The following PTPRN2 variants were observed in gnomAD, a reference collection of about 807,000 sequenced individuals.
The protein encoded by PTPRN2 is protein tyrosine phosphatase receptor type N2.
In PTPRN2, 74 loss-of-function variants were observed where a neutral mutation model predicts 118.8. That is an observed-to-expected ratio of 0.62 (90% CI 0.52 to 0.76). The LOEUF is 0.76. Among genes scored for constraint, PTPRN2 ranks in the 30% least tolerant of loss-of-function variants. PTPRN2 has a pLI of 0.00. For missense variants in PTPRN2, 1,481 were observed against 1,394.4 expected, an observed-to-expected ratio of 1.06 and a Z score of -0.99; for synonymous variants, 641 against 608.0, an observed-to-expected ratio of 1.05 and a Z score of -0.80.
intron 2 of PTPRN2, among the ~76,000 whole-genome samples, chr7:158,331,726 A>C (rs1319706990): frequency 2.0e-5 from 3 of 150,718 alleles, no homozygotes; most frequent in African/African-American, 7.5e-5. Context: ...TTCTCACCAT[A>C]AGAGCTGACA....
At chr7:158,100,823 A>AT (rs1270508536) in intron 10 of PTPRN2, among the ~76,000 whole-genome samples, 2 of 152,130 alleles carry the variant, frequency 1.3e-5, no homozygotes, top group Non-Finnish European at 2.9e-5. Context: ...GATCATGAAG[A>AT]TTTTTTCTCA....
At chr7:158,219,709 C>T (rs59308052) in intron 3 of PTPRN2, among the ~76,000 whole-genome samples, 6,092 of 151,918 alleles carry the variant, frequency 0.04, 142 homozygotes, top group Middle Eastern at 0.078. Context: ...GAAATGACAA[C>T]GGTGATATTA....
At chr7:158,109,022 T>C (rs971881874) in intron 10 of PTPRN2, among the ~76,000 whole-genome samples, 1 of 150,694 alleles carries the variant, frequency 6.6e-6, no homozygotes, top group Non-Finnish European at 1.5e-5. Flanking sequence ...CACCACTGTG[T>C]GAAGGAGACA....
chr7:158,545,697 T>C (rs905014590), intron 1 of PTPRN2, among the ~76,000 whole-genome samples: 143 of 152,282 alleles, frequency 9.4e-4, no homozygotes, highest in African/African-American at 3.4e-3. Context: ...TGTCCCTGTT[T>C]CCTTCAAAAT....
At chr7:158,057,979 C>G (rs895924620) in intron 11 of PTPRN2, among the ~76,000 whole-genome samples, 1 of 152,254 alleles carries the variant, frequency 6.6e-6, no homozygotes, top group African/African-American at 2.4e-5. Flanking sequence ...AACCCATATA[C>G]AGAATGCTTC....
chr7:158,374,652 A>G (rs1417542146), intron 2 of PTPRN2, among the ~76,000 whole-genome samples: 1 of 152,216 alleles, frequency 6.6e-6, no homozygotes, highest in Non-Finnish European at 1.5e-5. Context: ...AACAGAGACA[A>G]ACCGTCCACA....
intron 1 of PTPRN2, among the ~76,000 whole-genome samples, chr7:158,573,593 C>T (rs777112536): frequency 1.9e-4 from 29 of 152,128 alleles, no homozygotes; most frequent in Non-Finnish European, 1.6e-4. Flanking sequence ...AGGTCAACAG[C>T]AAGTCACTCC....
chr7:157,567,058 T>C (rs1043811142), intron 21 of PTPRN2, among the ~76,000 whole-genome samples: 1 of 152,142 alleles, frequency 6.6e-6, no homozygotes, highest in African/African-American at 2.4e-5. Flanking sequence ...AAAATCTTTG[T>C]CTGAGAGAGG....
intron 12 of PTPRN2, among the ~76,000 whole-genome samples, chr7:157,685,792 G>T: frequency 6.6e-6 from 1 of 152,194 alleles, no homozygotes; most frequent in East Asian, 1.9e-4. Context: ...TCTCCTCCCG[G>T]GTCCCCGCTG....
chr7:158,098,441 G>A (rs1392696287), intron 10 of PTPRN2, among the ~76,000 whole-genome samples: 1 of 152,210 alleles, frequency 6.6e-6, no homozygotes, highest in Non-Finnish European at 1.5e-5. Flanking sequence ...CGAGGGTGAC[G>A]CTTACCCAGG....
At chr7:158,320,419 C>T (rs1802903509) in intron 2 of PTPRN2, among the ~76,000 whole-genome samples, 1 of 150,844 alleles carries the variant, frequency 6.6e-6, no homozygotes, top group Admixed American at 6.6e-5. Flanking sequence ...ACCCCCATCG[C>T]CCATGTCCTC....
At chr7:157,994,365 C>T (rs1219502503) in intron 11 of PTPRN2, among the ~76,000 whole-genome samples, 2 of 152,320 alleles carry the variant, frequency 1.3e-5, no homozygotes, top group East Asian at 3.9e-4. Flanking sequence ...ACAAACAACA[C>T]ATCTTAGGGA....
intron 2 of PTPRN2, among the ~76,000 whole-genome samples, chr7:158,469,580 G>A (rs1819689594): frequency 6.6e-6 from 1 of 152,142 alleles, no homozygotes; most frequent in African/African-American, 2.4e-5. Flanking sequence ...CTTCCCCTGT[G>A]GTCAGCAGCT....
chr7:158,377,468 TAAGAA>T (rs1238491955), intron 2 of PTPRN2, among the ~76,000 whole-genome samples: 1 of 152,094 alleles, frequency 6.6e-6, no homozygotes, highest in East Asian at 1.9e-4. Flanking sequence ...TCATCACGCA[TAAGAA>T]AAGGGGACCC....
In PTPRN2 at chr7:157,622,027, G is replaced by T. The variant is rs78925109; in HGVS notation, c.2197-518C>A. ...AAATATTTTAACCCTTGGCTGTTTC[G>T]ATCTTAATTTTTCTGGTGCTTGTCG... is the stretch of plus-strand genomic sequence containing the variant. On this transcript the variant is annotated intron_variant, in intron 14 of 22. Transcript: ENST00000389418. The surrounding 1 kb of genome is among the most constrained non-coding windows in gnomAD (Gnocchi z 5.3). Among the ~76,000 whole-genome samples, 1 of 151,898 alleles carries T rather than the reference G, an allele frequency of 6.6e-6. No homozygotes were observed. Among genetic ancestry groups the T allele is most frequent in the Non-Finnish European group, 1.5e-5 (1 of 67,992 alleles).
chr7:157,910,454 C>T (rs1313846162), intron 11 of PTPRN2, among the ~76,000 whole-genome samples: 1 of 147,876 alleles, frequency 6.8e-6, no homozygotes, highest in African/African-American at 2.5e-5. Context: ...GGCACGTACG[C>T]CGGATCACGC....
chr7:158,407,988 A>C (rs527511851), intron 2 of PTPRN2, among the ~76,000 whole-genome samples: 1 of 152,330 alleles, frequency 6.6e-6, no homozygotes, highest in African/African-American at 2.4e-5. Flanking sequence ...CCAATGACTC[A>C]AGTCTATGGA....
At chr7:157,757,054 G>A (rs981387313) in intron 12 of PTPRN2, among the ~76,000 whole-genome samples, 1 of 152,178 alleles carries the variant, frequency 6.6e-6, no homozygotes, top group East Asian at 1.9e-4. Context: ...AAAAGCAAAC[G>A]GGCAGTGGAT....
Position 157,974,633 on chromosome 7 carries a change from G to C in PTPRN2, c.1724-75896C>G, listed in dbSNP as rs1802598631. Among the ~76,000 whole-genome samples the C allele has an allele frequency of 6.6e-6, 1 of 151,836 alleles. No homozygotes were observed. The highest frequency in any genetic ancestry group is 2.1e-4 in the South Asian group (1 of 4,798). ...CAGCGGGTGATGGCAGTGGGAGCCTGGGCAGGGGCGGGCAGGGCTCTGTGG... is the reference window on the plus strand; with the variant it reads ...CAGCGGGTGATGGCAGTGGGAGCCTCGGCAGGGGCGGGCAGGGCTCTGTGG... On this transcript the variant is annotated intron_variant, in intron 11 of 22. Transcript: ENST00000389418. The surrounding 1 kb of genome is among the most constrained non-coding windows in gnomAD (Gnocchi z 4.0).
Sources: gnomAD v4.1 joint callset for allele counts (sites outside exome capture counted in the v4.1 genomes callset) on GRCh38, gnomAD v4.1.1 for gene constraint, Gnocchi (gnomAD v3.1) non-coding constraint, MANE v1.5 for transcripts, NCBI Gene and HGNC (gene_info 2026-07-23, HGNC 2026-07-21) for gene names.